FTO: variants seen among roughly 807,000 people sequenced by gnomAD.
FTO encodes FTO alpha-ketoglutarate dependent dioxygenase.
A neutral mutation model predicts 63.9 loss-of-function variants in FTO; 47 were observed. That is an observed-to-expected ratio of 0.74 (90% CI 0.58 to 0.94). The LOEUF is 0.94. Among genes scored for constraint, FTO ranks in the 40% least tolerant of loss-of-function variants. The probability of loss-of-function intolerance (pLI) is 0.00; values close to 1 mark genes in which losing one functional copy is unlikely to be tolerated. For synonymous variants in FTO, 207 were observed against 224.4 expected (o/e 0.92, Z 0.69); for missense variants, 562 against 618.1 (o/e 0.91, Z 0.96).
intron 1 of FTO, among the ~76,000 whole-genome samples, chr16:53,708,432 A>G (rs2075681265): frequency 6.6e-6 from 1 of 151,946 alleles, no homozygotes; most frequent in African/African-American, 2.4e-5. Context: ...CAGTTGATGG[A>G]CATTTGATTT....
At chr16:53,980,321 G>A (rs183373840) in intron 8 of FTO, among the ~76,000 whole-genome samples, 7 of 152,208 alleles carry the variant, frequency 4.6e-5, no homozygotes, top group African/African-American at 4.8e-5. Context: ...TTTGACAGCC[G>A]TTTGCTACCT....
chr16:54,076,416 TG>T (rs1192742744), intron 8 of FTO, among the ~76,000 whole-genome samples: 21 of 152,130 alleles, frequency 1.4e-4, no homozygotes, highest in African/African-American at 4.1e-4. Context: ...TATGCAGAAA[TG>T]GGCAACATTT....
chr16:54,073,505 A>G (rs2144467997), intron 8 of FTO, among the ~76,000 whole-genome samples: 1 of 152,104 alleles, frequency 6.6e-6, no homozygotes, highest in East Asian at 1.9e-4. Flanking sequence ...CTTTTTTAAA[A>G]TAGTCCCCGA....
intron 8 of FTO, among the ~76,000 whole-genome samples, chr16:54,027,751 C>A (rs1307113087): frequency 6.6e-6 from 1 of 152,060 alleles, no homozygotes; most frequent in African/African-American, 2.4e-5. Flanking sequence ...AATGGTACCC[C>A]CTGAAGCAAT....
intron 7 of FTO, among the ~76,000 whole-genome samples, chr16:53,914,042 G>A (rs1007473862): frequency 1.3e-5 from 2 of 150,922 alleles, no homozygotes; most frequent in South Asian, 2.1e-4. Flanking sequence ...CGGCCTTCTC[G>A]CATTGTCCTG....
intron 8 of FTO, among the ~76,000 whole-genome samples, chr16:54,050,428 A>G (rs949440016): frequency 1.3e-5 from 2 of 152,218 alleles, no homozygotes. Context: ...ATGAATAACA[A>G]TGAAGTAGCT....
At chr16:54,021,492 T>G (rs2084598469) in intron 8 of FTO, among the ~76,000 whole-genome samples, 1 of 151,946 alleles carries the variant, frequency 6.6e-6, no homozygotes, top group African/African-American at 2.4e-5. Context: ...GTTTGTTTGT[T>G]TGTTTGTTTG....
chr16:53,831,541 A>G lies in FTO; in HGVS notation c.751+5050A>G, dbSNP rs2079147436. Among the ~76,000 whole-genome samples, 4 of 152,220 alleles carry G rather than the reference A, an allele frequency of 2.6e-5. No homozygotes were observed. In the South Asian group the frequency reaches 8.3e-4, roughly 32 times the overall value. On this transcript the variant is annotated intron_variant, in intron 3 of 8. Transcript: ENST00000471389. ...TTTTTTCATTTAACAATAAGCATCT[A>G]CTATTTGCTAGTCAGTTGTCTAGAT...
intron 8 of FTO, among the ~76,000 whole-genome samples, chr16:54,015,782 G>T: frequency 6.6e-6 from 1 of 152,198 alleles, no homozygotes; most frequent in East Asian, 1.9e-4. Flanking sequence ...ATCCCTGTTT[G>T]CCAGATAAGG....
chr16:53,753,262 A>C lies in FTO; in HGVS notation c.45+49033A>C, dbSNP rs1002339466. Among the ~76,000 whole-genome samples the C allele has an allele frequency of 7.9e-5, 12 of 151,984 alleles. 1 individual carries two copies. Among genetic ancestry groups the C allele is most frequent in the African/African-American group, 2.7e-4 (11 of 41,452 alleles). On this transcript the variant is annotated intron_variant, in intron 1 of 8. Transcript: ENST00000471389. ...AGAGAGACCCTGTCTCAAAAAAAAA[A>C]AAAAAACAAAACAAAACAAAATGCA... is the stretch of plus-strand genomic sequence containing the variant.
At chr16:54,093,057 C>T (rs1281929604) in intron 8 of FTO, among the ~76,000 whole-genome samples, 1 of 150,940 alleles carries the variant, frequency 6.6e-6, no homozygotes, top group Non-Finnish European at 1.5e-5. Flanking sequence ...GACTTCCTGG[C>T]ATTAGTTGAA....
intron 1 of FTO, among the ~76,000 whole-genome samples, chr16:53,789,966 T>C (rs28432761): frequency 0.41 from 60,750 of 148,332 alleles, 14,471 homozygotes; most frequent in Middle Eastern, 0.61. Context: ...TATATATACA[T>C]ATATTTTGTA....
At chr16:54,092,637 G>A (rs151325817) in intron 8 of FTO, among the ~76,000 whole-genome samples, 1 of 152,176 alleles carries the variant, frequency 6.6e-6, no homozygotes, top group Non-Finnish European at 1.5e-5. Flanking sequence ...AGACCCACTC[G>A]CTGCCTCCCC....
chr16:53,821,283 G>A lies in FTO; in HGVS notation c.124-4581G>A, dbSNP rs2078861061. Reference sequence around the variant, plus strand: ...ATTGTTTTATACTAAGGACCATTCAGAGAGTACTGGAGGTGTTAAGACAGT... The same window carrying A: ...ATTGTTTTATACTAAGGACCATTCAAAGAGTACTGGAGGTGTTAAGACAGT... On this transcript the variant is annotated intron_variant, in intron 2 of 8. Transcript: ENST00000471389. Among the ~76,000 whole-genome samples the A allele has an allele frequency of 2.6e-5, 4 of 152,280 alleles. No individual in the cohort carries two copies. In the South Asian group the frequency reaches 8.3e-4, roughly 32 times the overall value.
chr16:53,913,155 A>G lies in FTO; in HGVS notation c.1240-20830A>G, dbSNP rs534122007. 1.5e-4 allele frequency among the ~76,000 whole-genome samples: 23 copies of G among 152,284 alleles called. No homozygotes were observed. The East Asian group carries it at 3.5e-3, about 23-fold the overall frequency. Reference sequence around the variant, plus strand: ...TTATAATATAGAGATTAGTGTAGCCATTTTTAGCCAGTTTTTATCATCTCC... The same window carrying G: ...TTATAATATAGAGATTAGTGTAGCCGTTTTTAGCCAGTTTTTATCATCTCC... On this transcript the variant is annotated intron_variant, in intron 7 of 8. Coordinates refer to ENST00000471389, the MANE Select transcript of FTO (RefSeq NM_001080432.3).
chr16:53,878,894 C>T (rs1387937445), intron 5 of FTO, among the ~76,000 whole-genome samples: 1 of 152,196 alleles, frequency 6.6e-6, no homozygotes, highest in Non-Finnish European at 1.5e-5. Context: ...GGGCTTAAGC[C>T]AAATATTCTC....
chr16:54,065,678 C>T (rs2085710752), intron 8 of FTO, among the ~76,000 whole-genome samples: 1 of 152,152 alleles, frequency 6.6e-6, no homozygotes, highest in Admixed American at 6.5e-5. Context: ...TCTGGTTCTC[C>T]CTGTCTTCAC....
chr16:53,759,132 A>G (rs1283495570), intron 1 of FTO, among the ~76,000 whole-genome samples: 1 of 152,140 alleles, frequency 6.6e-6, no homozygotes, highest in Non-Finnish European at 1.5e-5. Flanking sequence ...TGTGTTTGAA[A>G]TTTTCCATTA....
intron 8 of FTO, among the ~76,000 whole-genome samples, chr16:54,109,416 C>T (rs1364156533): frequency 6.6e-6 from 1 of 152,170 alleles, no homozygotes; most frequent in Non-Finnish European, 1.5e-5. Context: ...CTGCAACCTC[C>T]GCCTCCTGGG....
Sources: allele counts gnomAD v4.1 joint callset (sites outside exome capture counted in the v4.1 genomes callset), GRCh38; gene constraint gnomAD v4.1.1; transcripts MANE v1.5; gene names NCBI Gene and HGNC (gene_info 2026-07-23, HGNC 2026-07-21).